Variants in PTPRR observed in about 807,000 individuals in gnomAD.
PTPRR encodes the protein protein tyrosine phosphatase receptor type R.
A neutral mutation model predicts 77.2 loss-of-function variants in PTPRR; 38 were observed. That is an observed-to-expected ratio of 0.49 (90% CI 0.38 to 0.65). The LOEUF (loss-of-function observed/expected upper bound fraction) is 0.65, where lower values mean the gene tolerates loss of function less well. PTPRR is among the 30% of genes least tolerant of loss of function. The probability of loss-of-function intolerance (pLI) is 0.00; values close to 1 mark genes in which losing one functional copy is unlikely to be tolerated. For missense variants in PTPRR, 744 were observed against 799.2 expected (o/e 0.93, Z 0.83); for synonymous variants, 299 against 283.1 (o/e 1.06, Z -0.57).
At chr12:70,766,726 G>T (rs923381857) in intron 2 of PTPRR, among the ~76,000 whole-genome samples, 16 of 151,456 alleles carry the variant, frequency 1.1e-4, no homozygotes, top group African/African-American at 3.7e-4. Flanking sequence ...ATTCACCAAA[G>T]TTGAAAAGAA....
chr12:70,777,846 T>G (rs1055415368), intron 2 of PTPRR, among the ~76,000 whole-genome samples: 10 of 152,360 alleles, frequency 6.6e-5, no homozygotes, highest in African/African-American at 2.4e-4. Context: ...TGACATGAGT[T>G]AAAAACAAAT....
chr12:70,744,225 G>A lies in PTPRR; in HGVS notation c.1007+1593C>T, dbSNP rs148956044. Among the ~76,000 whole-genome samples the A allele has an allele frequency of 4.0e-3, 616 of 152,298 alleles. 20 individuals are homozygous for A. The highest frequency in any genetic ancestry group is 1.7e-3 in the East Asian group (9 of 5,178). ...CCAGATGAGTGAATGACTCAGGTGAGGCCACCAAACCCAGGAACGGCAGGG... is the reference window on the plus strand; with the variant it reads ...CCAGATGAGTGAATGACTCAGGTGAAGCCACCAAACCCAGGAACGGCAGGG... On this transcript the variant is annotated intron_variant, in intron 6 of 13. Coordinates refer to ENST00000283228, the MANE Select transcript of PTPRR (RefSeq NM_002849.4).
At chr12:70,691,929 C>T (rs1368796377) in intron 8 of PTPRR, among the ~76,000 whole-genome samples, 1 of 152,148 alleles carries the variant, frequency 6.6e-6, no homozygotes, top group African/African-American at 2.4e-5. Flanking sequence ...ATTCCATTGT[C>T]TAAATGTCAT....
At chr12:70,840,726 T>C (rs1892381856) in intron 2 of PTPRR, among the ~76,000 whole-genome samples, 2 of 152,120 alleles carry the variant, frequency 1.3e-5, no homozygotes, top group Admixed American at 6.5e-5. Context: ...TCTCACTATG[T>C]CGAAAGGTCT....
At chr12:70,859,600 G>A (rs959503213) in intron 2 of PTPRR, among the ~76,000 whole-genome samples, 4 of 151,984 alleles carry the variant, frequency 2.6e-5, no homozygotes, top group African/African-American at 9.7e-5. Flanking sequence ...AAGGAGGAAA[G>A]GAAATATACA....
intron 6 of PTPRR, among the ~76,000 whole-genome samples, chr12:70,745,352 T>C (rs1037505063): frequency 6.6e-6 from 1 of 152,200 alleles, no homozygotes; most frequent in Admixed American, 6.5e-5. Flanking sequence ...TGATACTGAA[T>C]GTTTGTTGTG....
intron 8 of PTPRR, among the ~76,000 whole-genome samples, chr12:70,696,674 T>A (rs886848684): frequency 1.2e-4 from 19 of 152,166 alleles, no homozygotes; most frequent in African/African-American, 1.9e-4. Flanking sequence ...CATTTTTTTT[T>A]AAATTTTCAC....
At chr12:70,831,177 CT>C (rs1442912547) in intron 2 of PTPRR, among the ~76,000 whole-genome samples, 2 of 152,130 alleles carry the variant, frequency 1.3e-5, no homozygotes, top group African/African-American at 2.4e-5. Flanking sequence ...ACTTTTACCC[CT>C]ATTATTTCCT....
intron 5 of PTPRR, among the ~76,000 whole-genome samples, chr12:70,752,997 T>C (rs1370857664): frequency 6.6e-6 from 1 of 152,248 alleles, no homozygotes; most frequent in African/African-American, 2.4e-5. Context: ...TTCTAAATTA[T>C]TCTTTTGTTT....
At chr12:70,827,855 G>A (rs1446185841) in intron 2 of PTPRR, among the ~76,000 whole-genome samples, 1 of 150,292 alleles carries the variant, frequency 6.7e-6, no homozygotes, top group Admixed American at 6.6e-5. Flanking sequence ...CGAGTAGCTG[G>A]GACTACAGGC....
At chr12:70,914,449 T>C in intron 1 of PTPRR, among the ~76,000 whole-genome samples, 1 of 152,172 alleles carries the variant, frequency 6.6e-6, no homozygotes, top group South Asian at 2.1e-4. Context: ...AATAAGGATC[T>C]GTCTCAAGGC....
At chr12:70,755,525 T>G (rs2136951851) in intron 4 of PTPRR, among the ~76,000 whole-genome samples, 1 of 152,272 alleles carries the variant, frequency 6.6e-6, no homozygotes, top group African/African-American at 2.4e-5. Context: ...ACAGAAAAGA[T>G]TTTTGAGTTC....
At chr12:70,660,673 G>C (rs533013419) in intron 12 of PTPRR, among the ~76,000 whole-genome samples, 1 of 152,276 alleles carries the variant, frequency 6.6e-6, no homozygotes, top group African/African-American at 2.4e-5. Flanking sequence ...CTGCTGAATA[G>C]GTCTCCTGTT....
At chr12:70,707,328 C>G (rs1888654241) in intron 6 of PTPRR, among the ~76,000 whole-genome samples, 2 of 151,816 alleles carry the variant, frequency 1.3e-5, no homozygotes, top group Non-Finnish European at 2.9e-5. Flanking sequence ...ATATGTATGA[C>G]AAAAATCTAG....
In PTPRR at chr12:70,799,045, T is replaced by A. The variant is rs548410632; in HGVS notation, c.358-34267A>T. 2.0e-5 allele frequency among the ~76,000 whole-genome samples: 3 copies of A among 152,220 alleles called. No individual in the cohort carries two copies. The East Asian group carries it at 5.8e-4, about 29-fold the overall frequency. On this transcript the variant is annotated intron_variant, in intron 2 of 13. Coordinates refer to ENST00000283228, the MANE Select transcript of PTPRR (RefSeq NM_002849.4). The stretch of plus-strand genomic sequence containing the variant: ...TCTAAGGACCTTGGTAGAAGAAGTA[T>A]AAGGGGCTCCATAAGCAATCTTTTA...
intron 1 of PTPRR, among the ~76,000 whole-genome samples, chr12:70,913,755 G>A (rs1176183179): frequency 6.6e-6 from 1 of 152,086 alleles, no homozygotes; most frequent in Non-Finnish European, 1.5e-5. Flanking sequence ...TAAGGTGGCA[G>A]TAGTAAAGTC....
chr12:70,850,025 C>G (rs951368917), intron 2 of PTPRR, among the ~76,000 whole-genome samples: 3 of 152,052 alleles, frequency 2.0e-5, no homozygotes, highest in African/African-American at 7.2e-5. Context: ...TTAATTTGAA[C>G]TTAGACATTT....
chr12:70,830,162 G>C (rs2137049392), intron 2 of PTPRR, among the ~76,000 whole-genome samples: 1 of 152,216 alleles, frequency 6.6e-6, no homozygotes, highest in East Asian at 1.9e-4. Flanking sequence ...TAGAAATATT[G>C]ATGTATTTGT....
chr12:70,781,305 T>C (rs190784311), intron 2 of PTPRR, among the ~76,000 whole-genome samples: 5 of 152,278 alleles, frequency 3.3e-5, no homozygotes, highest in Admixed American at 2.6e-4. Flanking sequence ...AGAAACATCA[T>C]GGTAAATGGT....
Sources: allele counts gnomAD v4.1 joint callset (sites outside exome capture counted in the v4.1 genomes callset), GRCh38; gene constraint gnomAD v4.1.1; transcripts MANE v1.5; gene names NCBI Gene and HGNC (gene_info 2026-07-23, HGNC 2026-07-21).